Variants in ADCY2 observed in about 807,000 individuals in gnomAD.
The protein encoded by ADCY2 is adenylate cyclase 2.
ADCY2 carries 31 observed loss-of-function variants against 125.2 expected under a neutral mutation model. The observed-to-expected ratio is 0.25, with a 90% CI of 0.19 to 0.33. The LOEUF is 0.33. Ranked by LOEUF, ADCY2 falls within the 10% of genes least tolerant of loss-of-function variation. The pLI is 1.00. For synonymous variants in ADCY2, 512 were observed against 548.4 expected (o/e 0.93, Z 0.93); for missense variants, 904 against 1,418.2 (o/e 0.64, Z 5.82).
chr5:7,486,063 G>A (rs1271815399), intron 2 of ADCY2, among the ~76,000 whole-genome samples: 1 of 152,180 alleles, frequency 6.6e-6, no homozygotes, highest in Non-Finnish European at 1.5e-5. Flanking sequence ...GACAATATAT[G>A]TGATATTATT....
chr5:7,461,768 A>G (rs1741925887), intron 2 of ADCY2, among the ~76,000 whole-genome samples: 1 of 152,242 alleles, frequency 6.6e-6, no homozygotes, highest in Non-Finnish European at 1.5e-5. Context: ...TGGGTGATGA[A>G]TGCTGGTTAC....
At position 7,709,146 on chromosome 5, in the gene ADCY2, A is replaced by T; in HGVS notation, c.1402-65A>T. On this transcript the variant is annotated intron_variant, in intron 9 of 24. Transcript: ENST00000338316. The surrounding 1 kb of genome is among the most constrained non-coding windows in gnomAD (Gnocchi z 4.4). ...GAATGACCCTAGTCCAATGAGGTCG[A>T]TGCCAAAAGGATCATGTGTGGCCCT... 4.1e-6 allele frequency: 6 copies of T among 1,459,820 alleles called. No homozygotes were observed. The highest frequency in any genetic ancestry group is 5.5e-6 in the Non-Finnish European group (6 of 1,098,728). 90.4% of individuals were successfully genotyped at this position (1,459,820 alleles called of 1,614,324 possible).
intron 18 of ADCY2, among the ~76,000 whole-genome samples, chr5:7,777,237 C>A (rs1486619765): frequency 6.6e-6 from 1 of 152,168 alleles, no homozygotes; most frequent in Non-Finnish European, 1.5e-5. Flanking sequence ...GACATGGCTT[C>A]TGTTGCCTGT....
intron 3 of ADCY2, among the ~76,000 whole-genome samples, chr5:7,554,882 AT>A (rs1010517884): frequency 9.9e-5 from 15 of 152,172 alleles, no homozygotes; most frequent in African/African-American, 3.1e-4. Flanking sequence ...TATCCCCAGA[AT>A]GTGAAGGAAC....
intron 4 of ADCY2, among the ~76,000 whole-genome samples, chr5:7,649,481 T>G (rs1739010130): frequency 6.6e-6 from 1 of 152,216 alleles, no homozygotes; most frequent in African/African-American, 2.4e-5. Flanking sequence ...AAGTACATAT[T>G]TTTTCTTCTG....
intron 3 of ADCY2, among the ~76,000 whole-genome samples, chr5:7,589,528 A>AAGAGAAAGAGAAAGAGAAAG (rs376178493): frequency 8.8e-4 from 116 of 132,394 alleles, no homozygotes; most frequent in African/African-American, 3.3e-3. Context: ...AAGAAAGAGA[A>AAGAGAAAGAGAAAGAGAAAG]AGAAAGAAAG....
intron 4 of ADCY2, among the ~76,000 whole-genome samples, chr5:7,635,099 G>A (rs1045890781): frequency 3.3e-5 from 5 of 152,168 alleles, no homozygotes; most frequent in African/African-American, 9.7e-5. Flanking sequence ...GGACAGTTGC[G>A]GGGAGAGAGG....
At chr5:7,502,779 C>T (rs1234251012) in intron 2 of ADCY2, among the ~76,000 whole-genome samples, 1 of 152,116 alleles carries the variant, frequency 6.6e-6, no homozygotes, top group African/African-American at 2.4e-5. Flanking sequence ...TAGCTTTTCC[C>T]AATACTGTGC....
At chr5:7,825,020 T>TGCCATAACACTGCTGTGC (rs1166039861) in intron 24 of ADCY2, among the ~76,000 whole-genome samples, 2 of 152,064 alleles carry the variant, frequency 1.3e-5, no homozygotes, top group African/African-American at 4.8e-5. Context: ...CACCCCTGTG[T>TGCCATAACACTGCTGTGC]GCCATAACAC....
intron 2 of ADCY2, among the ~76,000 whole-genome samples, chr5:7,445,425 T>G (rs1741205142): frequency 6.6e-6 from 1 of 152,212 alleles, no homozygotes; most frequent in Non-Finnish European, 1.5e-5. Flanking sequence ...AGGACCACTC[T>G]GTTTTATTTT....
At chr5:7,445,917 A>G (rs936759405) in intron 2 of ADCY2, among the ~76,000 whole-genome samples, 1 of 152,160 alleles carries the variant, frequency 6.6e-6, no homozygotes, top group Non-Finnish European at 1.5e-5. Flanking sequence ...TTTTATCTGC[A>G]TATAAAGATT....
chr5:7,711,876 G>A (rs1195800956), intron 10 of ADCY2, among the ~76,000 whole-genome samples: 1 of 152,176 alleles, frequency 6.6e-6, no homozygotes, highest in South Asian at 2.1e-4. Flanking sequence ...GATGCATTAA[G>A]CCCAAACCAC....
chr5:7,537,409 G>C (rs1734849216), intron 3 of ADCY2, among the ~76,000 whole-genome samples: 1 of 152,092 alleles, frequency 6.6e-6, no homozygotes, highest in Non-Finnish European at 1.5e-5. Context: ...CTGCTCAAGT[G>C]TCCTCTGTCT....
chr5:7,448,452 G>A (rs1001032074), intron 2 of ADCY2, among the ~76,000 whole-genome samples: 4 of 151,978 alleles, frequency 2.6e-5, no homozygotes, highest in Non-Finnish European at 4.4e-5. Flanking sequence ...GTGTGTTGGT[G>A]TTGATCAGAT....
chr5:7,633,667 C>A (rs1425969599), intron 4 of ADCY2, among the ~76,000 whole-genome samples: 1 of 152,056 alleles, frequency 6.6e-6, no homozygotes, highest in Non-Finnish European at 1.5e-5. Context: ...AGTGAAGAAG[C>A]AACTCACCTG....
intron 18 of ADCY2, among the ~76,000 whole-genome samples, chr5:7,777,173 C>T (rs1009158169): frequency 1.3e-5 from 2 of 152,158 alleles, no homozygotes; most frequent in Admixed American, 1.3e-4. Context: ...CCAAGCAGCT[C>T]CTCTGTCCTG....
intron 2 of ADCY2, among the ~76,000 whole-genome samples, chr5:7,507,461 A>AAAAAAAAAAAAAAG (rs374187517): frequency 1.8e-5 from 2 of 114,074 alleles, no homozygotes; most frequent in Non-Finnish European, 1.9e-5. Context: ...AAAAAAAAAA[A>AAAAAAAAAAAAAAG]GGTAACAAAG....
chr5:7,626,854 T>C (rs1425752128), intron 4 of ADCY2, among the ~76,000 whole-genome samples: 1 of 151,860 alleles, frequency 6.6e-6, no homozygotes, highest in East Asian at 1.9e-4. Flanking sequence ...CAACATGAGA[T>C]TTGGAGAGGA....
intron 2 of ADCY2, among the ~76,000 whole-genome samples, chr5:7,438,738 G>T (rs1740901422): frequency 6.6e-6 from 1 of 152,182 alleles, no homozygotes; most frequent in Non-Finnish European, 1.5e-5. Flanking sequence ...AGATTTGATG[G>T]TTAATAAATC....
Sources: gnomAD v4.1 joint callset for allele counts (sites outside exome capture counted in the v4.1 genomes callset) on GRCh38, gnomAD v4.1.1 for gene constraint, Gnocchi (gnomAD v3.1) non-coding constraint, MANE v1.5 for transcripts, NCBI Gene and HGNC (gene_info 2026-07-23, HGNC 2026-07-21) for gene names.